The following PTPRD variants were observed in gnomAD, a reference collection of about 807,000 sequenced individuals.
The protein encoded by PTPRD is protein tyrosine phosphatase receptor type D.
A neutral mutation model predicts 214.5 loss-of-function variants in PTPRD; 34 were observed. The observed-to-expected ratio is 0.16, with a 90% CI of 0.12 to 0.21. The LOEUF (loss-of-function observed/expected upper bound fraction) is 0.21. PTPRD is among the 10% of genes least tolerant of loss of function. The pLI is 1.00. For missense variants in PTPRD, 2,545 were observed against 2,398.7 expected, an observed-to-expected ratio of 1.06 and a Z score of -1.27; for synonymous variants, 1,128 against 845.7, an observed-to-expected ratio of 1.33 and a Z score of -5.79.
chr9:8,418,251 T>G (rs886135350), intron 35 of PTPRD, among the ~76,000 whole-genome samples: 4 of 151,448 alleles, frequency 2.6e-5, no homozygotes, highest in African/African-American at 9.7e-5. Context: ...AAATTCTACC[T>G]TCCTTTCAAC....
chr9:10,425,057 A>T (rs2098599686), intron 2 of PTPRD, among the ~76,000 whole-genome samples: 1 of 151,984 alleles, frequency 6.6e-6, no homozygotes, highest in Admixed American at 6.6e-5. Flanking sequence ...ATAGTTTTAC[A>T]TGTAAATCCA....
At chr9:9,466,070 A>G (rs1016818387) in intron 8 of PTPRD, among the ~76,000 whole-genome samples, 12 of 152,244 alleles carry the variant, frequency 7.9e-5, no homozygotes, top group African/African-American at 2.9e-4. Context: ...GCACTTTGGA[A>G]GCTGAGATGA....
chr9:9,608,106 T>C (rs2094295534), intron 7 of PTPRD, among the ~76,000 whole-genome samples: 1 of 152,154 alleles, frequency 6.6e-6, no homozygotes, highest in South Asian at 2.1e-4. Flanking sequence ...AGCTGCTTTG[T>C]TTTCTATATT....
intron 9 of PTPRD, among the ~76,000 whole-genome samples, chr9:9,384,672 G>A (rs1300404616): frequency 6.6e-6 from 1 of 151,834 alleles, no homozygotes; most frequent in African/African-American, 2.4e-5. Context: ...GTAACTTGTA[G>A]TTGTTGGTTG....
At chr9:8,425,477 T>A (rs1343640636) in intron 35 of PTPRD, among the ~76,000 whole-genome samples, 1 of 152,142 alleles carries the variant, frequency 6.6e-6, no homozygotes, top group Non-Finnish European at 1.5e-5. Flanking sequence ...ACAGAATATG[T>A]TGGGAACCCC....
intron 14 of PTPRD, among the ~76,000 whole-genome samples, chr9:8,563,541 A>C (rs767943538): frequency 6.6e-6 from 1 of 151,018 alleles, no homozygotes; most frequent in African/African-American, 2.4e-5. Context: ...GGTTCAAGCA[A>C]TTCTCCTGCC....
In PTPRD at chr9:9,011,906, T is replaced by G. The variant is rs896259612; in HGVS notation, c.-104+6791A>C. Among the ~76,000 whole-genome samples the G allele has an allele frequency of 4.6e-5, 7 of 152,086 alleles. No homozygotes were observed. The South Asian group carries it at 8.3e-4, about 18-fold the overall frequency. On this transcript the variant is annotated intron_variant, in intron 11 of 45. Coordinates refer to ENST00000381196, the MANE Select transcript of PTPRD (RefSeq NM_002839.4). ...GATTGTATAATCCTGTCCCACTGAG[T>G]GTGGGCAGGACCTGTGACATATTTC...
intron 11 of PTPRD, among the ~76,000 whole-genome samples, chr9:9,012,190 G>A (rs1029114083): frequency 1.1e-4 from 16 of 152,108 alleles, no homozygotes; most frequent in Admixed American, 2.6e-4. Context: ...CACAGGAAAT[G>A]AATTCTGCCA....
chr9:10,345,183 A>G (rs887272015), intron 2 of PTPRD, among the ~76,000 whole-genome samples: 1 of 152,176 alleles, frequency 6.6e-6, no homozygotes, highest in African/African-American at 2.4e-5. Flanking sequence ...ATTCAAAATA[A>G]TCAAAATTAT....
At chr9:9,531,752 C>T (rs2075523668) in intron 8 of PTPRD, among the ~76,000 whole-genome samples, 1 of 151,992 alleles carries the variant, frequency 6.6e-6, no homozygotes, top group African/African-American at 2.4e-5. Context: ...TGTTTGAACA[C>T]CTATTTTTAA....
At chr9:8,905,808 G>A (rs1216433592) in intron 11 of PTPRD, among the ~76,000 whole-genome samples, 2 of 151,692 alleles carry the variant, frequency 1.3e-5, no homozygotes, top group Non-Finnish European at 2.9e-5. Flanking sequence ...GGCTAGCTTG[G>A]AATAATTTGT....
intron 5 of PTPRD, chr9:9,799,355 T>C (rs1177091542): frequency 6.6e-6 from 1 of 152,184 alleles, no homozygotes; most frequent in African/African-American, 2.4e-5. Context: ...CCACTGGAAT[T>C]TGAAAGTCTT....
intron 11 of PTPRD, among the ~76,000 whole-genome samples, chr9:9,012,635 A>C (rs2099516337): frequency 6.6e-6 from 1 of 152,192 alleles, no homozygotes. Context: ...TGGATGTGAG[A>C]ACAAAACAGA....
intron 7 of PTPRD, among the ~76,000 whole-genome samples, chr9:9,700,591 A>G (rs571740552): frequency 9.8e-5 from 15 of 152,314 alleles, no homozygotes; most frequent in African/African-American, 3.4e-4. Context: ...TGTTACAGAA[A>G]TGATAAAGCA....
chr9:9,535,828 G>C (rs2076404250), intron 8 of PTPRD, among the ~76,000 whole-genome samples: 1 of 151,796 alleles, frequency 6.6e-6, no homozygotes, highest in African/African-American at 2.4e-5. Context: ...ATTGTGTGTG[G>C]GGGAGGGGTG....
At chr9:10,415,098 AAAAT>A (rs1298926271) in intron 2 of PTPRD, among the ~76,000 whole-genome samples, 12 of 151,878 alleles carry the variant, frequency 7.9e-5, no homozygotes, top group African/African-American at 2.9e-4. Flanking sequence ...AATAAAAGTA[AAAAT>A]AAATAGATAA....
chr9:9,448,626 C>T (rs1232500323), intron 8 of PTPRD, among the ~76,000 whole-genome samples: 2 of 151,998 alleles, frequency 1.3e-5, no homozygotes, highest in Non-Finnish European at 1.5e-5. Context: ...GACTGATAAG[C>T]ATTCACTGGA....
intron 9 of PTPRD, among the ~76,000 whole-genome samples, chr9:9,354,605 G>A (rs907423908): frequency 6.6e-6 from 1 of 151,752 alleles, no homozygotes; most frequent in African/African-American, 2.4e-5. Context: ...GAACTTACAT[G>A]CTATTGGAGA....
chr9:8,684,203 A>G (rs1195217547), intron 12 of PTPRD, among the ~76,000 whole-genome samples: 1 of 152,252 alleles, frequency 6.6e-6, no homozygotes, highest in East Asian at 1.9e-4. Context: ...ATACACATAC[A>G]GAAGCTGAAA....
Sources: gnomAD v4.1 joint callset for allele counts (sites outside exome capture counted in the v4.1 genomes callset) on GRCh38, gnomAD v4.1.1 for gene constraint, MANE v1.5 for transcripts, NCBI Gene and HGNC (gene_info 2026-07-23, HGNC 2026-07-21) for gene names.